Variants in MAPKAP1 observed in about 807,000 individuals in gnomAD.
The protein encoded by MAPKAP1 is MAPK associated protein 1, also known as target of rapamycin complex 2 subunit MAPKAP1.
MAPKAP1 carries 20 observed loss-of-function variants against 65.7 expected under a neutral mutation model. The ratio of observed to expected loss-of-function variants is 0.30; its 90% CI spans 0.21 to 0.44. The LOEUF (loss-of-function observed/expected upper bound fraction) is 0.44. MAPKAP1 is among the 20% of genes least tolerant of loss of function. The pLI, the probability that MAPKAP1 is intolerant of heterozygous loss-of-function variation, is 1.00. For missense variants in MAPKAP1, 423 were observed against 648.0 expected (o/e 0.65, Z 3.77); for synonymous variants, 222 against 244.3 (o/e 0.91, Z 0.85).
intron 4 of MAPKAP1, among the ~76,000 whole-genome samples, chr9:125,640,474 C>T (rs1005142321): frequency 3.9e-5 from 6 of 152,048 alleles, no homozygotes; most frequent in African/African-American, 9.7e-5. Context: ...AATGCACCCC[C>T]GAGACCACTT....
chr9:125,612,987 G>A (rs1224461312), intron 4 of MAPKAP1, among the ~76,000 whole-genome samples: 2 of 152,124 alleles, frequency 1.3e-5, no homozygotes, highest in South Asian at 2.1e-4. Flanking sequence ...CAGAGGCTTG[G>A]GCCCTCAGAC....
chr9:125,529,788 C>A (rs1175452161), intron 7 of MAPKAP1, among the ~76,000 whole-genome samples: 1 of 152,202 alleles, frequency 6.6e-6, no homozygotes, highest in Non-Finnish European at 1.5e-5. Context: ...GATACGTCCT[C>A]TCCCCAGATC....
At chr9:125,632,555 C>T (rs1833317235) in intron 4 of MAPKAP1, among the ~76,000 whole-genome samples, 1 of 152,218 alleles carries the variant, frequency 6.6e-6, no homozygotes, top group Non-Finnish European at 1.5e-5. Context: ...TCCACTGCCA[C>T]CCCCATACAC....
At chr9:125,493,069 C>T (rs1002287092) in intron 8 of MAPKAP1, among the ~76,000 whole-genome samples, 16 of 150,676 alleles carry the variant, frequency 1.1e-4, no homozygotes, top group Admixed American at 1.3e-4. Flanking sequence ...GTGTGTGAAG[C>T]GGAATGGTGG....
intron 7 of MAPKAP1, among the ~76,000 whole-genome samples, chr9:125,510,955 T>A (rs1473896516): frequency 1.3e-5 from 2 of 152,082 alleles, no homozygotes; most frequent in Non-Finnish European, 2.9e-5. Flanking sequence ...TGGGGCCCAA[T>A]TGCCTTGGCC....
chr9:125,693,782 CGT>C (rs1491397977), intron 1 of MAPKAP1, among the ~76,000 whole-genome samples: 14 of 150,072 alleles, frequency 9.3e-5, no homozygotes, highest in East Asian at 2.0e-4. Context: ...CATATATACA[CGT>C]ATATATATAC....
intron 8 of MAPKAP1, among the ~76,000 whole-genome samples, chr9:125,493,850 T>A (rs1192582633): frequency 1.3e-5 from 2 of 152,256 alleles, no homozygotes; most frequent in Admixed American, 1.3e-4. Context: ...CAGAATGTCA[T>A]TCTGCTACAG....
At chr9:125,455,526 T>C (rs1853130965) in intron 10 of MAPKAP1, among the ~76,000 whole-genome samples, 1 of 151,932 alleles carries the variant, frequency 6.6e-6, no homozygotes, top group African/African-American at 2.4e-5. Context: ...ACATTTTTTA[T>C]TGACAAAATT....
intron 4 of MAPKAP1, among the ~76,000 whole-genome samples, chr9:125,609,642 C>T (rs74706036): frequency 0.052 from 7,922 of 152,168 alleles, 537 homozygotes; most frequent in East Asian, 0.2. Context: ...CCGGGCCTGG[C>T]CTGCCAAGCT....
intron 7 of MAPKAP1, among the ~76,000 whole-genome samples, chr9:125,537,454 C>T (rs1343246529): frequency 6.6e-6 from 1 of 152,176 alleles, no homozygotes; most frequent in East Asian, 1.9e-4. Flanking sequence ...GAAAGACCAA[C>T]TCCTCCCATG....
intron 4 of MAPKAP1, among the ~76,000 whole-genome samples, chr9:125,645,058 T>C (rs942637302): frequency 6.6e-6 from 1 of 152,120 alleles, no homozygotes; most frequent in Non-Finnish European, 1.5e-5. Flanking sequence ...AACAAATTCA[T>C]TCTGGGTCCT....
chr9:125,661,650 C>CT (rs1834189777), intron 3 of MAPKAP1, among the ~76,000 whole-genome samples: 1 of 151,904 alleles, frequency 6.6e-6, no homozygotes, highest in South Asian at 2.1e-4. Context: ...GACAAAAAAC[C>CT]TTTTTAAAAA....
intron 1 of MAPKAP1, among the ~76,000 whole-genome samples, chr9:125,677,268 T>C (rs1016025221): frequency 6.6e-6 from 1 of 151,892 alleles, no homozygotes; most frequent in Non-Finnish European, 1.5e-5. Flanking sequence ...TGAAACCCCA[T>C]CTCTACTAAA....
intron 11 of MAPKAP1, among the ~76,000 whole-genome samples, chr9:125,443,447 T>C (rs888699387): frequency 1.3e-5 from 2 of 152,136 alleles, no homozygotes; most frequent in African/African-American, 2.4e-5. Context: ...CTATGGAAGA[T>C]TTGGCTTGAA....
At chr9:125,624,470 T>C (rs1833028409) in intron 4 of MAPKAP1, among the ~76,000 whole-genome samples, 1 of 101,306 alleles carries the variant, frequency 9.9e-6, no homozygotes, top group Non-Finnish European at 2.1e-5. Context: ...AGCCGCCCCG[T>C]CCGGGAGGTA....
At chr9:125,460,881 G>C (rs986917727) in intron 10 of MAPKAP1, among the ~76,000 whole-genome samples, 11 of 152,320 alleles carry the variant, frequency 7.2e-5, no homozygotes, top group Admixed American at 2.0e-4. Flanking sequence ...GGCAGAATTA[G>C]AAAAAGTCAT....
chr9:125,525,256 G>A (rs983704488), intron 7 of MAPKAP1, among the ~76,000 whole-genome samples: 2 of 152,232 alleles, frequency 1.3e-5, no homozygotes, highest in African/African-American at 4.8e-5. Flanking sequence ...GGTCCTTGGT[G>A]CTTTGCAAGG....
chr9:125,460,579 A>G (rs540470289), intron 10 of MAPKAP1, among the ~76,000 whole-genome samples: 5 of 152,268 alleles, frequency 3.3e-5, no homozygotes, highest in Admixed American at 2.0e-4. Flanking sequence ...CTTACCAACT[A>G]TCTGGGGGTC....
At chr9:125,464,216 A>AG (rs1853601105) in intron 10 of MAPKAP1, among the ~76,000 whole-genome samples, 2 of 148,824 alleles carry the variant, frequency 1.3e-5, no homozygotes, top group Non-Finnish European at 1.5e-5. Flanking sequence ...AAAAAAAAAA[A>AG]AAAAAAAAAA....
Sources: gnomAD v4.1 joint callset for allele counts (sites outside exome capture counted in the v4.1 genomes callset) on GRCh38, gnomAD v4.1.1 for gene constraint, MANE v1.5 for transcripts, NCBI Gene and HGNC (gene_info 2026-07-23, HGNC 2026-07-21) for gene names.